POLG2: variants seen among roughly 807,000 people sequenced by gnomAD.
POLG2 encodes the protein DNA polymerase gamma 2, accessory subunit.
Under a neutral mutation model 56.5 loss-of-function variants are expected in POLG2, and 50 were observed. That is an observed-to-expected ratio of 0.88 (90% CI 0.71 to 1.12). The LOEUF (loss-of-function observed/expected upper bound fraction) is 1.12, where lower values mean the gene tolerates loss of function less well. Among genes scored for constraint, POLG2 ranks in the 50% most tolerant of loss-of-function variants. POLG2 has a pLI of 0.00. For synonymous variants in POLG2, 226 were observed against 222.6 expected, an observed-to-expected ratio of 1.02 and a Z score of -0.14; for missense variants, 584 against 583.3, an observed-to-expected ratio of 1.00 and a Z score of -0.01.
At chr17:64,485,681 C>T in intron 5 of POLG2, 47 bp downstream of exon 5, 1 of 1,462,646 alleles carries the variant, frequency 6.8e-7, no homozygotes, top group Non-Finnish European at 9.6e-7. Flanking sequence ...AACAAACAAA[C>T]CCATATTTTT....
chr17:64,479,091 T>TTCAAGTGC (rs2144124540), intron 7 of POLG2, among the ~76,000 whole-genome samples: 1 of 152,130 alleles, frequency 6.6e-6, no homozygotes, highest in African/African-American at 2.4e-5. Flanking sequence ...GACAAGAAAG[T>TTCAAGTGC]TCAAGTGCTG....
chr17:64,482,889 T>G (rs782266807), intron 6 of POLG2, 30 bp downstream of exon 6: 58 of 1,236,666 alleles, frequency 4.7e-5, no homozygotes, highest in African/African-American at 1.8e-5. Flanking sequence ...AATCTGTAAT[T>G]AAAATGACAT....
intron 7 of POLG2, 91 bp from the exon 8 acceptor site, chr17:64,478,079 T>G: frequency 1.5e-6 from 2 of 1,344,344 alleles, no homozygotes. Flanking sequence ...GTTCATGCAC[T>G]CTCAAGAGTC....
At chr17:64,491,999 G>C (rs1347845907) in intron 3 of POLG2, among the ~76,000 whole-genome samples, 4 of 151,168 alleles carry the variant, frequency 2.6e-5, no homozygotes, top group South Asian at 2.1e-4. Context: ...AAAATACTGA[G>C]TATATTGCTT....
chr17:64,486,061 A>G (rs1373249225), intron 4 of POLG2, among the ~76,000 whole-genome samples, 193 bp from the exon 5 acceptor site: 1 of 152,014 alleles, frequency 6.6e-6, no homozygotes. Flanking sequence ...TTTTAGACTT[A>G]CACAATCAGA....
rs1555665815 is a variant in POLG2, at chr17:64,477,971, A to T, written c.1310T>A (p.Ile437Asn). Residue 437 changes from isoleucine to asparagine, a missense_variant, in exon 8 of 8, where the codon ATT (isoleucine) becomes AAT (asparagine). Physicochemically the swap from Ile to Asn is moderately radical, Grantham distance 149. Transcript: ENST00000539111. ...TTCAGTAACCAAAACTGTGAAGAGA[A>T]TACTCATTTCATCATACCTAAGAAA... is the stretch of plus-strand genomic sequence containing the variant. ...QLYSKYDEMS[I>N]LFTVLVTETT... 1 of 1,613,934 alleles carries T rather than the reference A, an allele frequency of 6.2e-7. No individual in the cohort carries two copies. The highest frequency in any genetic ancestry group is 1.7e-5 in the Admixed American group (1 of 60,022).
At chr17:64,478,115 CA>C in intron 7 of POLG2, 127 bp from the exon 8 acceptor site, 19 of 827,440 alleles carry the variant, frequency 2.3e-5, no homozygotes, top group South Asian at 9.9e-5. Flanking sequence ...AAGGGTGGAC[CA>C]AAAAAACCCA....
rs782561430 is a variant in POLG2 at position 64,492,732 on chromosome 17, G to A, written c.730C>T (p.Pro244Ser). The A allele has an allele frequency of 9.3e-6, 15 of 1,613,278 alleles. No individual in the cohort carries two copies. The highest frequency in any genetic ancestry group is 6.6e-5 in the South Asian group (6 of 91,040). ...KTEASLVWFT[P>S]PRTSNQWLDF... ...AGCCACTGGTTTGAAGTTCTCGGAGGAGTAAACCATACTAACGAAGCTTCA... is the reference window on the plus strand; with the variant it reads ...AGCCACTGGTTTGAAGTTCTCGGAGAAGTAAACCATACTAACGAAGCTTCA... Residue 244 changes from proline (P) to serine (S), a missense_variant, in exon 3 of 8, where the codon CCT (proline) becomes TCT (serine). By Grantham distance (74) the Pro-to-Ser change is moderately conservative (BLOSUM62 -1). Transcript: ENST00000539111.
intron 5 of POLG2, among the ~76,000 whole-genome samples, chr17:64,483,808 T>C (rs2037906091): frequency 6.6e-6 from 1 of 151,738 alleles, no homozygotes; most frequent in East Asian, 1.9e-4. Flanking sequence ...ACCTCTGGGC[T>C]CAAGCCATCC....
Position 64,496,951 on chromosome 17 carries a change from G to T in POLG2, c.18C>A (p.Ala6=). Residue 6 remains alanine (A), a synonymous_variant, in exon 1 of 8, where the codon GCC becomes GCA. Coordinates refer to ENST00000539111, the MANE Select transcript of POLG2 (RefSeq NM_007215.4). ...TGCAGACCTTATGGCAGGCCCTGAC[G>T]GCTACACGAGAGCGCATCTCTCTCC... MRSRV[A]VRACHKVCRC... is the part of the protein sequence containing the mutation. The T allele has an allele frequency of 6.2e-7, 1 of 1,607,052 alleles. No homozygotes were observed. The highest frequency in any genetic ancestry group is 8.5e-7 in the Non-Finnish European group (1 of 1,179,898).
chr17:64,489,028 C>CA (rs2038007999), intron 4 of POLG2, among the ~76,000 whole-genome samples: 1 of 136,474 alleles, frequency 7.3e-6, no homozygotes. Flanking sequence ...TTTTCTTTTT[C>CA]TTTTTTTTTT....
At chr17:64,486,944 T>G (rs891643058) in intron 4 of POLG2, 20 of 152,358 alleles carry the variant, frequency 1.3e-4, no homozygotes, top group Admixed American at 3.9e-4. Flanking sequence ...CTTAAAAATT[T>G]CAATCCTAGA....
In POLG2 at chr17:64,492,994, A is replaced by G. The variant is rs139282177; in HGVS notation, c.590T>C (p.Leu197Pro). ...AGGTAGCCTCTTGTTTACCAGATCC[A>G]GGCAATTAACATAGTGTTCCAAGGC... ...HGALEHYVNC[L>P]DLVNKRLPYG... Residue 197 changes from leucine to proline, a missense_variant, in exon 2 of 8, where the codon CTG (leucine) becomes CCG (proline). By Grantham distance (98) the Leu-to-Pro change is moderately conservative (BLOSUM62 -3). Coordinates refer to ENST00000539111, the MANE Select transcript of POLG2 (RefSeq NM_007215.4). The G allele has an allele frequency of 3.7e-4, 593 of 1,614,122 alleles. No homozygotes were observed. The highest frequency in any genetic ancestry group is 4.7e-4 in the Non-Finnish European group (558 of 1,179,938).
Position 64,482,946 on chromosome 17 carries a change from T to C in POLG2, c.1164A>G (p.Gly388=). The C allele has an allele frequency of 1.2e-6, 2 of 1,604,630 alleles. No individual in the cohort carries two copies. Among genetic ancestry groups the C allele is most frequent in the South Asian group, 1.1e-5 (1 of 90,914 alleles). The change falls in exon 6 of 8, where the codon GGA becomes GGG. Residue 388 remains glycine, a synonymous_variant. Coordinates refer to ENST00000539111, the MANE Select transcript of POLG2 (RefSeq NM_007215.4). ...GTCTTAGTTCCAATGTGGGGCCTCT[T>C]CCTACATCCAAAGCAACCTTAATAG... ...LAPIKVALDV[G]RGPTLELRQV...
chr17:64,487,772 C>T (rs1555667766), intron 4 of POLG2, among the ~76,000 whole-genome samples: 1 of 152,152 alleles, frequency 6.6e-6, no homozygotes. Flanking sequence ...GAGGCCAGGG[C>T]AGGAGGATCA....
chr17:64,496,615 C>T lies in POLG2; in HGVS notation c.354G>A (p.Val118=), dbSNP rs1598139030. Residue 118 remains valine (V), a synonymous_variant, in exon 1 of 8, where the codon GTG becomes GTA. Transcript: ENST00000539111. The part of the protein sequence containing the change: ...KNLAAEWWTS[V]VVFREQVFPV... ...GGAATACCTGCTCCCTGAACACCACCACCGAGGTCCACCATTCTGCGGCCA... is the reference window on the plus strand; with the variant it reads ...GGAATACCTGCTCCCTGAACACCACTACCGAGGTCCACCATTCTGCGGCCA... 6.2e-7 allele frequency: 1 copy of T among 1,614,014 alleles called. No homozygotes were observed. The highest frequency in any genetic ancestry group is 1.7e-5 in the Admixed American group (1 of 60,032).
intron 5 of POLG2, among the ~76,000 whole-genome samples, chr17:64,483,387 T>C (rs1176941813): frequency 2.0e-5 from 3 of 151,924 alleles, no homozygotes; most frequent in Non-Finnish European, 4.4e-5. Context: ...GTATGGCGCA[T>C]ACCTGTAGTC....
intron 4 of POLG2, among the ~76,000 whole-genome samples, chr17:64,487,857 A>C (rs571590047): frequency 6.6e-6 from 1 of 152,048 alleles, no homozygotes; most frequent in African/African-American, 2.4e-5. Context: ...AACAAAAAAG[A>C]TTGTTTATTG....
chr17:64,492,761 T>C lies in POLG2; in HGVS notation c.701A>G (p.Lys234Arg), dbSNP rs2038083745. 7 of 1,611,188 alleles carry C rather than the reference T, an allele frequency of 4.3e-6. No individual in the cohort carries two copies. The highest frequency in any genetic ancestry group is 4.5e-5 in the East Asian group (2 of 44,854). Residue 234 changes from lysine (K) to arginine (R), a missense_variant, in exon 3 of 8, where the codon AAG (lysine) becomes AGG (arginine). Physicochemically the swap from Lys to Arg is conservative, Grantham distance 26. Transcript: ENST00000539111. ...IRNGVKSIGEKTEASLVWFTP... is the reference protein window; with the variant it reads ...IRNGVKSIGERTEASLVWFTP... ...AAACCATACTAACGAAGCTTCAGTC[T>C]TCTCACCAATACTTTAGATATAAAA...
Sources: gnomAD v4.1 joint callset for allele counts (sites outside exome capture counted in the v4.1 genomes callset) on GRCh38, gnomAD v4.1.1 for gene constraint, MANE v1.5 for transcripts, NCBI Gene and HGNC (gene_info 2026-07-23, HGNC 2026-07-21) for gene names.